SNTG1: variants seen among roughly 807,000 people sequenced by gnomAD.
SNTG1 encodes the protein gamma-1-syntrophin.
In SNTG1, 39 loss-of-function variants were observed where a neutral mutation model predicts 74.7. The observed-to-expected ratio is 0.52, with a 90% CI of 0.40 to 0.68. The LOEUF is 0.68. SNTG1 is among the 30% of genes least tolerant of loss of function. The pLI is 0.00. For synonymous variants in SNTG1, 254 were observed against 217.1 expected, an observed-to-expected ratio of 1.17 and a Z score of -1.49; for missense variants, 685 against 609.5, an observed-to-expected ratio of 1.12 and a Z score of -1.30.
intron 1 of SNTG1, among the ~76,000 whole-genome samples, chr8:50,030,645 T>G (rs2130750834): frequency 6.6e-6 from 1 of 152,190 alleles, no homozygotes; most frequent in South Asian, 2.1e-4. Flanking sequence ...TTGCTAGGCA[T>G]TAGATGTCAG....
intron 2 of SNTG1, among the ~76,000 whole-genome samples, chr8:50,289,207 A>T (rs1264608451): frequency 6.6e-6 from 1 of 152,198 alleles, no homozygotes; most frequent in Non-Finnish European, 1.5e-5. Context: ...ACACAGTAAC[A>T]TAAAATTCAC....
intron 13 of SNTG1, among the ~76,000 whole-genome samples, chr8:50,601,153 A>C (rs1311314606): frequency 2.8e-5 from 1 of 35,252 alleles, no homozygotes; most frequent in African/African-American, 7.7e-5. Flanking sequence ...CCAGCGAGAC[A>C]AAAAAAAAAA....
chr8:50,229,522 C>A (rs117361755), intron 2 of SNTG1, among the ~76,000 whole-genome samples: 1 of 151,282 alleles, frequency 6.6e-6, no homozygotes, highest in African/African-American at 2.4e-5. Flanking sequence ...AATAATGATC[C>A]GTTTTACAAA....
intron 17 of SNTG1, among the ~76,000 whole-genome samples, chr8:50,715,340 T>A (rs2095472433): frequency 6.6e-6 from 1 of 152,156 alleles, no homozygotes; most frequent in Admixed American, 6.6e-5. Flanking sequence ...GAATACTAGG[T>A]CCCCCAAATT....
intron 2 of SNTG1, among the ~76,000 whole-genome samples, chr8:50,279,370 T>C (rs1018879541): frequency 3.3e-5 from 5 of 152,276 alleles, no homozygotes; most frequent in Middle Eastern, 6.8e-3. Flanking sequence ...TAAAGCATTA[T>C]GAAAATTTGA....
intron 2 of SNTG1, among the ~76,000 whole-genome samples, chr8:50,266,142 T>C (rs2087454206): frequency 6.6e-6 from 1 of 151,794 alleles, no homozygotes; most frequent in Admixed American, 6.6e-5. Flanking sequence ...AATCTTGAGT[T>C]AACAGAACAA....
intron 3 of SNTG1, among the ~76,000 whole-genome samples, chr8:50,399,417 C>T (rs1237501629): frequency 6.6e-6 from 1 of 152,134 alleles, no homozygotes; most frequent in Non-Finnish European, 1.5e-5. Context: ...TAAATGAGAA[C>T]ACCCTGATAG....
At chr8:50,566,395 T>C (rs751773674) in intron 12 of SNTG1, among the ~76,000 whole-genome samples, 17 of 152,000 alleles carry the variant, frequency 1.1e-4, no homozygotes, top group Non-Finnish European at 1.9e-4. Context: ...GACAAATGGG[T>C]CAAATTTTGG....
chr8:50,793,061 C>T lies in SNTG1; in HGVS notation c.*232C>T. 1 of 359,900 alleles carries T rather than the reference C, an allele frequency of 2.8e-6. No homozygotes were observed. Among genetic ancestry groups the T allele is most frequent in the South Asian group, 1.3e-4 (1 of 7,664 alleles). The allele number at this position is 359,900 out of a possible 1,614,324, so 22.3% of individuals were successfully genotyped here. Reference sequence around the variant, plus strand: ...CTTGTTCTCACTCAGTTGCTTTGTACCAGTAAGTGTATTGCTTTCACCAAA... The same window carrying T: ...CTTGTTCTCACTCAGTTGCTTTGTATCAGTAAGTGTATTGCTTTCACCAAA... On this transcript the variant is annotated 3_prime_UTR_variant, in exon 19 of 19. Transcript: ENST00000642720.
At chr8:50,782,130 C>G (rs2095661500) in intron 18 of SNTG1, among the ~76,000 whole-genome samples, 1 of 152,156 alleles carries the variant, frequency 6.6e-6, no homozygotes, top group Admixed American at 6.5e-5. Flanking sequence ...CTCTGGCTGC[C>G]CATAACATTT....
chr8:50,036,077 G>A (rs989281610), intron 1 of SNTG1, among the ~76,000 whole-genome samples: 2 of 152,172 alleles, frequency 1.3e-5, no homozygotes, highest in Non-Finnish European at 2.9e-5. Context: ...GGATGGTTTA[G>A]GATGGTCGAA....
intron 2 of SNTG1, among the ~76,000 whole-genome samples, chr8:50,318,981 G>T (rs1587107025): frequency 6.6e-6 from 1 of 151,214 alleles, no homozygotes; most frequent in African/African-American, 2.4e-5. Flanking sequence ...ATATATATAT[G>T]TATGTATATG....
intron 2 of SNTG1, among the ~76,000 whole-genome samples, chr8:50,389,213 G>A (rs1343394611): frequency 6.6e-6 from 1 of 152,132 alleles, no homozygotes; most frequent in Non-Finnish European, 1.5e-5. Flanking sequence ...ATGAATGAAC[G>A]TAAAATAAAC....
chr8:50,347,341 A>C (rs984819620), intron 2 of SNTG1, among the ~76,000 whole-genome samples: 3 of 152,248 alleles, frequency 2.0e-5, no homozygotes, highest in Non-Finnish European at 4.4e-5. Context: ...AGCATTATTT[A>C]CTGAATATCG....
chr8:50,215,587 G>A (rs1348547548), intron 2 of SNTG1, among the ~76,000 whole-genome samples: 1 of 150,824 alleles, frequency 6.6e-6, no homozygotes, highest in East Asian at 1.9e-4. Flanking sequence ...GGATCAATTA[G>A]GTTTATAACA....
intron 2 of SNTG1, among the ~76,000 whole-genome samples, chr8:50,210,339 C>G (rs964747755): frequency 6.6e-6 from 1 of 152,170 alleles, no homozygotes; most frequent in Admixed American, 6.5e-5. Flanking sequence ...CCCAACCTAG[C>G]AAGGCAGGCC....
chr8:50,084,249 C>A (rs1433372681), intron 1 of SNTG1, among the ~76,000 whole-genome samples: 4 of 152,202 alleles, frequency 2.6e-5, no homozygotes, highest in African/African-American at 9.6e-5. Context: ...ATCACGAGGT[C>A]AAGAGATCAA....
intron 9 of SNTG1, among the ~76,000 whole-genome samples, chr8:50,529,465 A>G (rs1305594027): frequency 6.6e-6 from 1 of 152,048 alleles, no homozygotes; most frequent in Non-Finnish European, 1.5e-5. Context: ...CGTCAATTAT[A>G]TTTGTGGGTA....
intron 4 of SNTG1, among the ~76,000 whole-genome samples, chr8:50,424,131 T>G (rs1210989546): frequency 6.6e-6 from 1 of 152,118 alleles, no homozygotes; most frequent in Non-Finnish European, 1.5e-5. Context: ...GTTCCGGGAA[T>G]GTGCTCCAGG....
Sources: allele counts gnomAD v4.1 joint callset (sites outside exome capture counted in the v4.1 genomes callset), GRCh38; gene constraint gnomAD v4.1.1; transcripts MANE v1.5; gene names NCBI Gene and HGNC (gene_info 2026-07-23, HGNC 2026-07-21).